The following GABRG3 variants were observed in gnomAD, a reference collection of about 807,000 sequenced individuals.
GABRG3 encodes gamma-aminobutyric acid type A receptor subunit gamma3.
A neutral mutation model predicts 48.8 loss-of-function variants in GABRG3; 25 were observed. That is an observed-to-expected ratio of 0.51 (90% CI 0.37 to 0.72). The LOEUF (loss-of-function observed/expected upper bound fraction) is 0.72, where lower values mean the gene tolerates loss of function less well. Among genes scored for constraint, GABRG3 ranks in the 30% least tolerant of loss-of-function variants. The pLI is 0.00. For synonymous variants in GABRG3, 227 were observed against 217.6 expected, an observed-to-expected ratio of 1.04 and a Z score of -0.38; for missense variants, 394 against 577.9, an observed-to-expected ratio of 0.68 and a Z score of 3.26.
chr15:27,140,421 G>A (rs1471750362), intron 3 of GABRG3, among the ~76,000 whole-genome samples: 1 of 152,186 alleles, frequency 6.6e-6, no homozygotes, highest in African/African-American at 2.4e-5. Flanking sequence ...CATTGTTGTT[G>A]TGGAGTTAGA....
chr15:27,187,958 A>G (rs1304145925), intron 3 of GABRG3, among the ~76,000 whole-genome samples: 2 of 139,250 alleles, frequency 1.4e-5, no homozygotes, highest in African/African-American at 2.7e-5. Context: ...ATTCCCACCT[A>G]TGAGCGAGAA....
intron 3 of GABRG3, among the ~76,000 whole-genome samples, chr15:27,188,297 T>G (rs202239491): frequency 1.7e-4 from 26 of 152,076 alleles, no homozygotes; most frequent in Non-Finnish European, 3.4e-4. Flanking sequence ...CCTGAGGAAT[T>G]GCCACACTGA....
intron 3 of GABRG3, among the ~76,000 whole-genome samples, chr15:27,240,296 C>A (rs969724444): frequency 2.0e-5 from 3 of 152,168 alleles, no homozygotes; most frequent in Non-Finnish European, 2.9e-5. Context: ...GGGGTACACA[C>A]GTGAGCGCTC....
chr15:27,272,251 A>G (rs1043748309), intron 3 of GABRG3, among the ~76,000 whole-genome samples: 1 of 152,228 alleles, frequency 6.6e-6, no homozygotes, highest in African/African-American at 2.4e-5. Context: ...TTTAAGGTTC[A>G]TGGAAGTTGC....
At chr15:27,209,024 G>A (rs1018910110) in intron 3 of GABRG3, among the ~76,000 whole-genome samples, 2 of 152,226 alleles carry the variant, frequency 1.3e-5, no homozygotes, top group South Asian at 4.1e-4. Flanking sequence ...CCTTGTTGCT[G>A]ATGCTTCCTC....
intron 3 of GABRG3, among the ~76,000 whole-genome samples, chr15:27,090,907 G>T (rs1897173354): frequency 6.6e-6 from 1 of 152,184 alleles, no homozygotes; most frequent in African/African-American, 2.4e-5. Flanking sequence ...AACTGTGGGT[G>T]TGTTCTTATA....
chr15:27,349,650 C>T (rs1894489644), intron 5 of GABRG3, among the ~76,000 whole-genome samples: 1 of 152,184 alleles, frequency 6.6e-6, no homozygotes. Context: ...CTTCTCCTTG[C>T]AAACCTCCTA....
intron 5 of GABRG3, among the ~76,000 whole-genome samples, chr15:27,380,956 G>T (rs1895754753): frequency 6.6e-6 from 1 of 151,792 alleles, no homozygotes; most frequent in South Asian, 2.1e-4. Context: ...TAGTAGAGAC[G>T]GGGTTTCACC....
chr15:27,422,059 G>A (rs1888135505), intron 5 of GABRG3, among the ~76,000 whole-genome samples: 1 of 150,522 alleles, frequency 6.6e-6, no homozygotes, highest in Non-Finnish European at 1.5e-5. Context: ...GATATCCATG[G>A]GAGTGGGCTG....
chr15:27,359,068 G>A (rs1203631319), intron 5 of GABRG3, among the ~76,000 whole-genome samples: 3 of 152,224 alleles, frequency 2.0e-5, no homozygotes, highest in Non-Finnish European at 4.4e-5. Flanking sequence ...CAAGTTTTGG[G>A]GGTGAAGCTG....
intron 3 of GABRG3, among the ~76,000 whole-genome samples, chr15:27,035,436 A>T (rs12438641): frequency 6.6e-6 from 1 of 152,080 alleles, no homozygotes; most frequent in South Asian, 2.1e-4. Context: ...TTTTCCTTTC[A>T]TCTTGAACTT....
At chr15:27,441,153 G>C (rs113084854) in intron 5 of GABRG3, among the ~76,000 whole-genome samples, 3 of 152,254 alleles carry the variant, frequency 2.0e-5, no homozygotes, top group African/African-American at 7.2e-5. Context: ...AATTTGTCTT[G>C]AGCATTTATT....
In GABRG3 at chr15:27,235,226, C is replaced by T. The variant is rs533524709; in HGVS notation, c.271-91583C>T. On this transcript the variant is annotated intron_variant, in intron 3 of 9. Transcript: ENST00000615808. ...GTAAGAAATAAAACATAATGTCCGC[C>T]AAACCAGAAAAAGGTGTAGTCAGTA... 3.6e-3 allele frequency among the ~76,000 whole-genome samples: 543 copies of T among 152,230 alleles called. 3 individuals carry two copies. Among genetic ancestry groups the T allele is most frequent in the African/African-American group, 0.012 (512 of 41,534 alleles).
At chr15:27,216,739 T>C (rs1889259230) in intron 3 of GABRG3, among the ~76,000 whole-genome samples, 1 of 131,630 alleles carries the variant, frequency 7.6e-6, no homozygotes, top group African/African-American at 3.1e-5. Flanking sequence ...ATTTCTTTTT[T>C]TTTTTTTATT....
chr15:27,243,214 G>A (rs1890180153), intron 3 of GABRG3, among the ~76,000 whole-genome samples: 1 of 152,286 alleles, frequency 6.6e-6, no homozygotes, highest in Middle Eastern at 3.4e-3. Context: ...GTAAGAGGCA[G>A]GGTGTGTGTT....
intron 6 of GABRG3, among the ~76,000 whole-genome samples, chr15:27,516,706 G>A (rs1891027708): frequency 6.6e-6 from 1 of 152,172 alleles, no homozygotes; most frequent in African/African-American, 2.4e-5. Context: ...CTCTCTGGTG[G>A]TGGGAACTAC....
chr15:27,458,870 G>T (rs1889366342), intron 5 of GABRG3, among the ~76,000 whole-genome samples: 1 of 152,204 alleles, frequency 6.6e-6, no homozygotes, highest in Non-Finnish European at 1.5e-5. Context: ...CCCTGGGCAT[G>T]TAGGAGTGGG....
intron 5 of GABRG3, among the ~76,000 whole-genome samples, chr15:27,405,430 T>C (rs1243658667): frequency 2.6e-5 from 4 of 152,184 alleles, no homozygotes; most frequent in Non-Finnish European, 1.5e-5. Context: ...CCAGTAAATA[T>C]GAAGTATTTG....
chr15:27,244,471 C>A (rs1043034829), intron 3 of GABRG3, among the ~76,000 whole-genome samples: 1 of 152,218 alleles, frequency 6.6e-6, no homozygotes, highest in South Asian at 2.1e-4. Context: ...ACATATCATG[C>A]CCCATCATGT....
Sources: allele counts gnomAD v4.1 joint callset (sites outside exome capture counted in the v4.1 genomes callset), GRCh38; gene constraint gnomAD v4.1.1; transcripts MANE v1.5; gene names NCBI Gene and HGNC (gene_info 2026-07-23, HGNC 2026-07-21).